Variants in ENTHD1 observed in about 807,000 individuals in gnomAD.
ENTHD1 encodes ENTH domain-containing protein 1.
Under a neutral mutation model 39.1 loss-of-function variants are expected in ENTHD1, and 23 were observed. The observed-to-expected ratio is 0.59, with a 90% CI of 0.42 to 0.83. The LOEUF (loss-of-function observed/expected upper bound fraction) is 0.83. Ranked by LOEUF, ENTHD1 falls within the 40% of genes least tolerant of loss-of-function variation. The probability of loss-of-function intolerance (pLI) is 0.00; values close to 1 mark genes in which losing one functional copy is unlikely to be tolerated. For missense variants in ENTHD1, 624 were observed against 705.4 expected (o/e 0.88, Z 1.31); for synonymous variants, 230 against 258.2 (o/e 0.89, Z 1.05).
intron 5 of ENTHD1, among the ~76,000 whole-genome samples, chr22:39,770,789 C>G (rs2065315005): frequency 6.6e-6 from 1 of 151,958 alleles, no homozygotes; most frequent in Admixed American, 6.5e-5. Flanking sequence ...TTGCCTGTAC[C>G]CATGATATCC....
At chr22:39,771,035 G>T (rs1006851421) in intron 5 of ENTHD1, among the ~76,000 whole-genome samples, 9 of 152,108 alleles carry the variant, frequency 5.9e-5, no homozygotes, top group Non-Finnish European at 1.2e-4. Flanking sequence ...AACAATTTTT[G>T]GATTTTGGAG....
At chr22:39,768,990 ACACT>A (rs2065300540) in intron 5 of ENTHD1, among the ~76,000 whole-genome samples, 1 of 151,950 alleles carries the variant, frequency 6.6e-6, no homozygotes, top group Non-Finnish European at 1.5e-5. Flanking sequence ...ACATATACAC[ACACT>A]AACTTGTGTA....
chr22:39,837,359 T>C (rs1178519039), intron 3 of ENTHD1, among the ~76,000 whole-genome samples: 3 of 152,208 alleles, frequency 2.0e-5, no homozygotes, highest in African/African-American at 4.8e-5. Context: ...AATGCAACTA[T>C]GCAGAGGTAT....
rs1480344501 is a variant in ENTHD1 at position 39,867,144 on chromosome 22, C to A, written c.350-5137G>T. ...GGTCTTGATCTCCTGACCTCACGATCCACCCACCTCAGCCTCCCAAAGTGC... is the reference window on the plus strand; with the variant it reads ...GGTCTTGATCTCCTGACCTCACGATACACCCACCTCAGCCTCCCAAAGTGC... On this transcript the variant is annotated intron_variant, in intron 2 of 6. Transcript: ENST00000325157. This position sits in a 1 kb window ranked among gnomAD's most constrained non-coding sequence, Gnocchi z 4.5. Among the ~76,000 whole-genome samples the A allele has an allele frequency of 1.3e-5, 2 of 152,130 alleles. No homozygotes were observed. Among genetic ancestry groups the A allele is most frequent in the African/African-American group, 4.8e-5 (2 of 41,438 alleles).
At chr22:39,821,941 G>A (rs865892810) in intron 4 of ENTHD1, among the ~76,000 whole-genome samples, 1 of 152,116 alleles carries the variant, frequency 6.6e-6, no homozygotes, top group African/African-American at 2.4e-5. Flanking sequence ...CGAAGATCCC[G>A]CCTCCTAATA....
At chr22:39,892,444 A>AT (rs1736087670) in intron 1 of ENTHD1, among the ~76,000 whole-genome samples, 1 of 152,258 alleles carries the variant, frequency 6.6e-6, no homozygotes, top group African/African-American at 2.4e-5. Flanking sequence ...TATACCATAT[A>AT]TTACATGATA....
At position 39,773,959 on chromosome 22, in the gene ENTHD1, G is replaced by T. The variant is rs73888168; in HGVS notation, c.833-8350C>A. Among the ~76,000 whole-genome samples, 1,133 of 152,272 alleles carry T rather than the reference G, an allele frequency of 7.4e-3. 15 individuals carry two copies. The highest frequency in any genetic ancestry group is 0.026 in the African/African-American group (1,085 of 41,552). ...GAACAATTTCAGCAAAGAAATGAAG[G>T]CTGTACACAATGTGCTGTGTGGTAG... On this transcript the variant is annotated intron_variant, in intron 5 of 6. Transcript: ENST00000325157.
chr22:39,842,613 T>C (rs997555179), intron 3 of ENTHD1, among the ~76,000 whole-genome samples: 3 of 151,772 alleles, frequency 2.0e-5, no homozygotes, highest in Non-Finnish European at 2.9e-5. Flanking sequence ...ACAAATGGGA[T>C]CTAATTAAAC....
chr22:39,885,402 T>C (rs1248821737), intron 2 of ENTHD1, among the ~76,000 whole-genome samples: 1 of 152,170 alleles, frequency 6.6e-6, no homozygotes, highest in Non-Finnish European at 1.5e-5. Context: ...AAACTGCCAG[T>C]GGAGATGTAA....
chr22:39,796,808 A>G (rs990594413), intron 5 of ENTHD1, among the ~76,000 whole-genome samples: 1 of 152,220 alleles, frequency 6.6e-6, no homozygotes, highest in African/African-American at 2.4e-5. Flanking sequence ...GTTCTAAAGA[A>G]TGTTCCACAT....
At chr22:39,799,698 G>A (rs955903867) in intron 5 of ENTHD1, among the ~76,000 whole-genome samples, 41 of 152,138 alleles carry the variant, frequency 2.7e-4, no homozygotes, top group African/African-American at 9.4e-4. Flanking sequence ...GCCACTCCAC[G>A]CTGATTTACT....
chr22:39,826,933 T>G (rs1370887427), intron 4 of ENTHD1, among the ~76,000 whole-genome samples: 3 of 151,642 alleles, frequency 2.0e-5, no homozygotes, highest in Non-Finnish European at 4.4e-5. Context: ...AATGCAGTGG[T>G]ATAATCTTGG....
chr22:39,774,012 G>A (rs569247427), intron 5 of ENTHD1, among the ~76,000 whole-genome samples: 13 of 152,294 alleles, frequency 8.5e-5, no homozygotes, highest in Middle Eastern at 3.4e-3. Context: ...AGCATTCAGC[G>A]TTACGAGTGC....
chr22:39,857,443 CAAAAAAAAAA>C (rs71197196), intron 3 of ENTHD1, among the ~76,000 whole-genome samples: 41 of 24,722 alleles, frequency 1.7e-3, no homozygotes, highest in Admixed American at 1.6e-3. Context: ...AACTCCGTCT[CAAAAAAAAAA>C]AAAAAAAAAA....
At chr22:39,819,342 G>A (rs1569153727) in intron 5 of ENTHD1, among the ~76,000 whole-genome samples, 1 of 151,402 alleles carries the variant, frequency 6.6e-6, no homozygotes. Context: ...TCCAACCTGG[G>A]TGACAGAGCG....
rs992713516 is a variant in ENTHD1, at chr22:39,744,099, C to G, written c.1404G>C (p.Leu468=). The change falls in exon 7 of 7, where the codon CTG becomes CTC. Residue 468 remains leucine, a synonymous_variant. Transcript: ENST00000325157. ...GGCCCCTAGAAGCAAAGGAGTGATG[C>G]AGCTTGGCTGTCTTATCTTCATCTT... ...SFKDEDKTAK[L]HHSFASRGPV... 4 of 1,614,124 alleles carry G rather than the reference C, an allele frequency of 2.5e-6. No individual in the cohort carries two copies. Among genetic ancestry groups the G allele is most frequent in the Non-Finnish European group, 3.4e-6 (4 of 1,179,990 alleles).
chr22:39,892,196 G>A (rs1008568872), intron 1 of ENTHD1, among the ~76,000 whole-genome samples: 2 of 152,070 alleles, frequency 1.3e-5, no homozygotes, highest in Non-Finnish European at 2.9e-5. Flanking sequence ...ATAATTCCCA[G>A]CAAAACAAAT....
intron 2 of ENTHD1, among the ~76,000 whole-genome samples, chr22:39,862,304 CT>C: frequency 6.6e-6 from 1 of 152,048 alleles, no homozygotes; most frequent in East Asian, 1.9e-4. Context: ...AATCTCAGCA[CT>C]TTGGGAGGCT....
chr22:39,755,488 T>C (rs2065178138), intron 6 of ENTHD1, among the ~76,000 whole-genome samples: 1 of 152,168 alleles, frequency 6.6e-6, no homozygotes, highest in Non-Finnish European at 1.5e-5. Flanking sequence ...CTGTTTAAGT[T>C]GGGGAATACT....
Sources: allele counts gnomAD v4.1 joint callset (sites outside exome capture counted in the v4.1 genomes callset), GRCh38; gene constraint gnomAD v4.1.1; non-coding constraint Gnocchi (gnomAD v3.1); transcripts MANE v1.5; gene names NCBI Gene and HGNC (gene_info 2026-07-23, HGNC 2026-07-21).